The following NEXN variants were observed in gnomAD, a reference collection of about 807,000 sequenced individuals.
NEXN encodes the protein nexilin F-actin binding protein.
A neutral mutation model predicts 92.6 loss-of-function variants in NEXN; 65 were observed. The ratio of observed to expected loss-of-function variants is 0.70; its 90% confidence interval spans 0.57 to 0.86. The LOEUF (loss-of-function observed/expected upper bound fraction) is 0.86. NEXN is among the 40% of genes least tolerant of loss of function. The probability of loss-of-function intolerance (pLI) is 0.00; values close to 1 mark genes in which losing one functional copy is unlikely to be tolerated. For missense variants in NEXN, 778 were observed against 771.1 expected (o/e 1.01, Z -0.11); for synonymous variants, 254 against 242.5 (o/e 1.05, Z -0.44).
At chr1:77,890,973 A>G (rs901900489) in intron 1 of NEXN, among the ~76,000 whole-genome samples, 1 of 152,042 alleles carries the variant, frequency 6.6e-6, no homozygotes, top group African/African-American at 2.4e-5. Flanking sequence ...AATTTCACAT[A>G]TTTCTGTTCT....
intron 1 of NEXN, among the ~76,000 whole-genome samples, chr1:77,894,360 A>C (rs1647173418): frequency 6.6e-6 from 1 of 152,184 alleles, no homozygotes; most frequent in Non-Finnish European, 1.5e-5. Context: ...TTTGAATTGC[A>C]ATGAGGTTTA....
intron 5 of NEXN, among the ~76,000 whole-genome samples, chr1:77,922,781 G>A (rs1263932007): frequency 6.6e-6 from 1 of 151,306 alleles, no homozygotes; most frequent in African/African-American, 2.4e-5. Context: ...ATTTTTAGCA[G>A]AGGCGGGGTT....
chr1:77,936,936 T>G (rs1052963703), intron 11 of NEXN, among the ~76,000 whole-genome samples: 3 of 152,128 alleles, frequency 2.0e-5, no homozygotes, highest in Admixed American at 6.6e-5. Context: ...CATGCACGAG[T>G]GCGAAGGACA....
intron 1 of NEXN, among the ~76,000 whole-genome samples, chr1:77,890,472 G>A (rs1370733149): frequency 6.6e-6 from 1 of 152,092 alleles, no homozygotes; most frequent in African/African-American, 2.4e-5. Context: ...TGACATGTAA[G>A]GCTGATCATT....
chr1:77,921,543 C>A (rs1649418741), intron 5 of NEXN, among the ~76,000 whole-genome samples: 1 of 152,012 alleles, frequency 6.6e-6, no homozygotes, highest in Non-Finnish European at 1.5e-5. Context: ...CTTCTGGGCT[C>A]AAGCAATCCT....
chr1:77,927,084 G>T (rs547323779), intron 8 of NEXN, among the ~76,000 whole-genome samples, 192 bp downstream of exon 8: 2 of 152,200 alleles, frequency 1.3e-5, no homozygotes, highest in Admixed American at 1.3e-4. Flanking sequence ...CACTTTGGGA[G>T]GCCAAGGTGG....
intron 1 of NEXN, among the ~76,000 whole-genome samples, chr1:77,912,346 T>A (rs1648655150): frequency 6.6e-6 from 1 of 152,128 alleles, no homozygotes; most frequent in South Asian, 2.1e-4. Context: ...ATCAGAAGAC[T>A]TAACATTATT....
rs542794485 is a variant in NEXN, at chr1:77,929,312, T to C, written c.865-4T>C. On this transcript the variant is annotated splice_region_variant and splice_polypyrimidine_tract_variant and intron_variant, in intron 8 of 12. Coordinates refer to ENST00000334785, the MANE Select transcript of NEXN (RefSeq NM_144573.4). ...TCTTAGTAATGAATTGTTTATTTGG[T>C]TAGGTAAATGAAGATGAGGAAAACC... 1.3e-5 allele frequency: 20 copies of C among 1,579,738 alleles called. No homozygotes were observed. The highest frequency in any genetic ancestry group is 1.7e-4 in the Middle Eastern group (1 of 5,970).
intron 2 of NEXN, 68 bp from the exon 3 acceptor site, chr1:77,917,498 T>A (rs907850877): frequency 1.8e-6 from 2 of 1,120,370 alleles, no homozygotes. Flanking sequence ...CTTATTCTTA[T>A]CTATCTTTAC....
At chr1:77,903,573 A>G (rs1647882864) in intron 1 of NEXN, among the ~76,000 whole-genome samples, 1 of 152,202 alleles carries the variant, frequency 6.6e-6, no homozygotes, top group African/African-American at 2.4e-5. Context: ...ACATATGAAG[A>G]CTAAATAGAA....
chr1:77,926,372 T>C lies in NEXN; in HGVS notation c.490-42T>C, dbSNP rs143322022. On this transcript the variant is annotated intron_variant, in intron 6 of 12. Coordinates refer to ENST00000334785, the MANE Select transcript of NEXN (RefSeq NM_144573.4). ...GGTAAAGTCCCATGAAACCCAATTT[T>C]GATTAAGAAGAAATAGGCTAATTAT... is the stretch of plus-strand genomic sequence containing the variant. 1.5e-4 allele frequency: 219 copies of C among 1,440,246 alleles called. 1 individual carries two copies. The highest frequency in any genetic ancestry group is 1.5e-3 in the African/African-American group (106 of 70,784). The allele number at this position is 1,440,246 out of a possible 1,614,324, so 89.2% of individuals were successfully genotyped here.
chr1:77,893,826 T>TTTTC (rs945245802), intron 1 of NEXN, among the ~76,000 whole-genome samples: 2 of 151,968 alleles, frequency 1.3e-5, no homozygotes, highest in South Asian at 2.1e-4. Context: ...AGATTCTTGA[T>TTTTC]TTTCTTTCTT....
chr1:77,937,180 T>C (rs1378838121), intron 11 of NEXN, among the ~76,000 whole-genome samples: 1 of 152,092 alleles, frequency 6.6e-6, no homozygotes, highest in Non-Finnish European at 1.5e-5. Context: ...GGTGCATGTC[T>C]GTAGTCCCAG....
At chr1:77,899,272 T>C (rs7535958) in intron 1 of NEXN, among the ~76,000 whole-genome samples, 125,823 of 142,670 alleles carry the variant, frequency 0.88, 55,596 homozygotes, top group African/African-American at 0.93. Flanking sequence ...TGTCCAACAA[T>C]GATAGACTGG....
intron 9 of NEXN, among the ~76,000 whole-genome samples, chr1:77,929,936 T>C (rs1039902497): frequency 1.3e-5 from 2 of 152,170 alleles, no homozygotes; most frequent in Non-Finnish European, 2.9e-5. Flanking sequence ...TCCCACCTAC[T>C]ATATATTAAA....
intron 12 of NEXN, 25 bp downstream of exon 12, chr1:77,942,233 T>G (rs531569062): frequency 6.2e-6 from 10 of 1,606,854 alleles, no homozygotes; most frequent in Non-Finnish European, 8.5e-6. Context: ...TATCCTTTAT[T>G]TTCCAAAGAT....
chr1:77,905,777 A>C (rs904370888), intron 1 of NEXN, among the ~76,000 whole-genome samples: 1 of 152,156 alleles, frequency 6.6e-6, no homozygotes, highest in Non-Finnish European at 1.5e-5. Flanking sequence ...AGTCTTGTGG[A>C]ATCAAGGAAG....
intron 1 of NEXN, among the ~76,000 whole-genome samples, chr1:77,909,289 G>T (rs1203418171): frequency 1.3e-5 from 2 of 152,056 alleles, no homozygotes; most frequent in Admixed American, 1.3e-4. Flanking sequence ...GCGTAGTGGG[G>T]CATGCCTGTA....
chr1:77,936,506 C>T (rs1039988908), intron 11 of NEXN, among the ~76,000 whole-genome samples: 1 of 152,188 alleles, frequency 6.6e-6, no homozygotes, highest in Admixed American at 6.5e-5. Flanking sequence ...TCAAGTTAAA[C>T]TCCAGATTAT....
Sources: gnomAD v4.1 joint callset for allele counts (sites outside exome capture counted in the v4.1 genomes callset) on GRCh38, gnomAD v4.1.1 for gene constraint, MANE v1.5 for transcripts, NCBI Gene and HGNC (gene_info 2026-07-23, HGNC 2026-07-21) for gene names.